The following HMCN2 variants were observed in gnomAD, a reference collection of about 807,000 sequenced individuals.
HMCN2 encodes hemicentin 2, also known as hemicentin-2.
HMCN2 carries 325 observed loss-of-function variants against 377.5 expected under a neutral mutation model. The observed-to-expected ratio is 0.86, with a 90% CI of 0.79 to 0.94. The LOEUF is 0.94. Among genes scored for constraint, HMCN2 ranks in the 40% least tolerant of loss-of-function variants. HMCN2 has a pLI of 0.00. For missense variants in HMCN2, 4,543 were observed against 4,725.3 expected (o/e 0.96, Z 1.13); for synonymous variants, 2,007 against 2,046.8 (o/e 0.98, Z 0.53).
intron 97 of HMCN2, chr9:130,432,895 T>TGTC: frequency 2.7e-6 from 1 of 368,856 alleles, no homozygotes; most frequent in Non-Finnish European, 4.9e-6. Context: ...TGGCAGCTGC[T>TGTC]GCCCTGGAAA....
intron 19 of HMCN2, among the ~76,000 whole-genome samples, chr9:130,323,788 C>T (rs1183969619): frequency 6.6e-6 from 1 of 152,144 alleles, no homozygotes; most frequent in Non-Finnish European, 1.5e-5. Context: ...CTGCCACCTC[C>T]ACTTCCCGGG....
intron 87 of HMCN2, 151 bp from the exon 88 acceptor site, chr9:130,424,625 T>C: frequency 1.5e-6 from 1 of 674,022 alleles, no homozygotes; most frequent in Non-Finnish European, 2.2e-6. Flanking sequence ...GGTTAAATAA[T>C]TGGCATGGCA....
Position 130,428,638 on chromosome 9 carries a change from C to T in HMCN2, c.14197+149C>T, listed in dbSNP as rs1230737718. 1 of 1,186,828 alleles carries T rather than the reference C, an allele frequency of 8.4e-7. No individual in the cohort carries two copies. The highest frequency in any genetic ancestry group is 1.5e-5 in the African/African-American group (1 of 65,642). The allele number at this position is 1,186,828 out of a possible 1,614,324, so 73.5% of individuals were successfully genotyped here. A position where few individuals can be genotyped will look rare whatever the true frequency, so the allele number is the denominator to read the frequency against. Reference sequence around the variant, plus strand: ...AGAAGGAGTACAGCAAGGCTGGGGACAAAGCCTGCGCCAGGCTCTGGAGGT... The same window carrying T: ...AGAAGGAGTACAGCAAGGCTGGGGATAAAGCCTGCGCCAGGCTCTGGAGGT... On this transcript the variant is annotated intron_variant, in intron 93 of 97. Transcript: ENST00000683500. This position sits in a 1 kb window ranked among gnomAD's most constrained non-coding sequence, Gnocchi z 5.0.
At position 130,384,378 on chromosome 9, in the gene HMCN2, C is replaced by T. The variant is rs1244756877; in HGVS notation, c.8836C>T (p.Pro2946Ser). The change falls in exon 58 of 98, where the codon CCA becomes TCA. Residue 2946 changes from proline (P) to serine (S), a missense_variant. Around this residue, in one of 5 missense-constraint regions of HMCN2, gnomAD observed 736 missense variants for 773.2 expected, o/e 0.95. Transcript: ENST00000683500. ...KLFTLRVQVP[P>S]RIAGLDLEQV... ...CGTGGTGGCTGTGGGGATAGTCCCG[C>T]CACGAATCGCAGGCCTGGACTTGGA... 5 of 1,297,494 alleles carry T rather than the reference C, an allele frequency of 3.9e-6. No individual in the cohort carries two copies. The highest frequency in any genetic ancestry group is 4.1e-6 in the Non-Finnish European group (4 of 985,008). 80.4% of individuals were successfully genotyped at this position (1,297,494 alleles called of 1,614,324 possible).
chr9:130,356,542 C>T (rs1435062195), intron 34 of HMCN2, among the ~76,000 whole-genome samples: 3 of 152,262 alleles, frequency 2.0e-5, no homozygotes, highest in Non-Finnish European at 4.4e-5. Flanking sequence ...TATATCAACC[C>T]TCTTTCTCTT....
chr9:130,406,303 A>C (rs561212181), intron 82 of HMCN2, 135 bp downstream of exon 82: 2 of 716,316 alleles, frequency 2.8e-6, no homozygotes, highest in Middle Eastern at 3.1e-4. Context: ...GGGTCTTCCA[A>C]CGTGGCCCTA....
At position 130,317,467 on chromosome 9, in the gene HMCN2, A is replaced by ATCTCTCTCTCTCTC. The variant is rs1177875902; in HGVS notation, c.2351-2002_2351-1989dup. On this transcript the variant is annotated intron_variant, in intron 15 of 97. Coordinates refer to ENST00000683500, the MANE Select transcript of HMCN2 (RefSeq NM_001291815.2). ...GCCTAGATGATAGCGAGACCCCACCATCTCTCTCTCTCTCTCTCTCTCTCT... is the reference window on the plus strand; with the variant it reads ...GCCTAGATGATAGCGAGACCCCACCATCTCTCTCTCTCTCTCTCTCTCTCTCTCTCTCTCTCTCT... Among the ~76,000 whole-genome samples, 261 of 123,440 alleles carry ATCTCTCTCTCTCTC rather than the reference A, an allele frequency of 2.1e-3. 1 individual carries two copies. Among genetic ancestry groups the ATCTCTCTCTCTCTC allele is most frequent in the Non-Finnish European group, 1.9e-3 (111 of 58,896 alleles). 81.0% of individuals were successfully genotyped at this position (123,440 alleles called of 152,430 possible).
Position 130,384,722 on chromosome 9 carries a change from G to A in HMCN2, c.9030G>A (p.Ser3010=), listed in dbSNP as rs781658046. 34 of 1,302,430 alleles carry A rather than the reference G, an allele frequency of 2.6e-5. No homozygotes were observed. In the Admixed American group the frequency reaches 3.0e-4, roughly 11 times the overall value. 80.7% of individuals were successfully genotyped at this position (1,302,430 alleles called of 1,614,324 possible). A position where few individuals can be genotyped will look rare whatever the true frequency, so the allele number is the denominator to read the frequency against. Residue 3010 remains serine (S), a synonymous_variant, in exon 59 of 98, where the codon TCG becomes TCA. Coordinates refer to ENST00000683500, the MANE Select transcript of HMCN2 (RefSeq NM_001291815.2). Reference sequence around the variant, plus strand: ...TGCAGCTGGGGAGAGCACGGCTGTCGGACTCCGGGATGTACACATGCGAAG... The same window carrying A: ...TGCAGCTGGGGAGAGCACGGCTGTCAGACTCCGGGATGTACACATGCGAAG... ...HTLQLGRARL[S]DSGMYTCEAL...
intron 15 of HMCN2, 118 bp from the exon 16 acceptor site, chr9:130,319,377 C>G (rs1487815228): frequency 1.3e-5 from 2 of 152,262 alleles, no homozygotes; most frequent in African/African-American, 4.8e-5. Flanking sequence ...GGACAGGAGT[C>G]GAGCCCTAGG....
chr9:130,301,572 A>G (rs944882247), intron 8 of HMCN2, among the ~76,000 whole-genome samples: 9 of 152,200 alleles, frequency 5.9e-5, no homozygotes, highest in Admixed American at 1.3e-4. Context: ...AGAGGCTCCC[A>G]GGGTGCGTGG....
chr9:130,285,655 C>T (rs536263612), intron 3 of HMCN2, among the ~76,000 whole-genome samples: 3 of 152,236 alleles, frequency 2.0e-5, no homozygotes, highest in Admixed American at 1.3e-4. Flanking sequence ...TGTTCTCTGC[C>T]GTTCCTGTCC....
In HMCN2 at chr9:130,285,274, G is replaced by C. The variant is rs1835358691; in HGVS notation, c.447G>C (p.Lys149Asn). The change falls in exon 3 of 98, where the codon AAG becomes AAC. Residue 149 changes from lysine (K) to asparagine (N), a missense_variant. Physicochemically the swap from Lys to Asn is moderately conservative, Grantham distance 94. Transcript: ENST00000683500. ...ATGCCCGCGCCAAAGACTATCACAA[G>C]AAGGAAGAGCTGCTGCGGCTCCTGC... ...FSDARAKDYH[K>N]KEELLRLLQL... 2.1e-6 allele frequency: 1 copy of C among 471,082 alleles called. No individual in the cohort carries two copies. Among genetic ancestry groups the C allele is most frequent in the African/African-American group, 2.0e-5 (1 of 50,098 alleles). 29.2% of individuals were successfully genotyped at this position (471,082 alleles called of 1,614,324 possible). A position where few individuals can be genotyped will look rare whatever the true frequency, so the allele number is the denominator to read the frequency against.
At chr9:130,364,335 T>C (rs1840572801) in intron 40 of HMCN2, among the ~76,000 whole-genome samples, 1 of 152,236 alleles carries the variant, frequency 6.6e-6, no homozygotes, top group South Asian at 2.1e-4. Context: ...AAAGCTGCAC[T>C]GGTTATTTTT....
intron 54 of HMCN2, 47 bp from the exon 55 acceptor site, chr9:130,382,137 G>A: frequency 1.1e-6 from 1 of 877,876 alleles, no homozygotes; most frequent in Non-Finnish European, 1.4e-6. Flanking sequence ...TGCTCTTGGG[G>A]GTGACTCTCG....
At chr9:130,430,019 T>C (rs1187227067) in intron 94 of HMCN2, 1 of 598,554 alleles carries the variant, frequency 1.7e-6, no homozygotes, top group African/African-American at 1.9e-5. Flanking sequence ...TGGATCTAAC[T>C]GGGGCACTGA....
Position 130,385,639 on chromosome 9 carries a change from C to A in HMCN2, c.9186C>A (p.Ser3062Arg), listed in dbSNP as rs149023656. The change falls in exon 60 of 98, where the codon AGC becomes AGA. Residue 3062 changes from serine (S) to arginine (R), a missense_variant. Ser to Arg is a moderately radical substitution (Grantham distance 110, BLOSUM62 -1). Coordinates refer to ENST00000683500, the MANE Select transcript of HMCN2 (RefSeq NM_001291815.2). ...LVRVGDKAVLSCETDALPEPT... is the reference protein window; with the variant it reads ...LVRVGDKAVLRCETDALPEPT... ...GGGTCGGGGACAAAGCTGTCCTGAG[C>A]TGCGAGACAGATGCGCTCCCTGAGC... 611 of 1,304,224 alleles carry A rather than the reference C, an allele frequency of 4.7e-4. 4 individuals are homozygous for A. The African/African-American group carries it at 8.0e-3, about 17-fold the overall frequency. 80.8% of individuals were successfully genotyped at this position (1,304,224 alleles called of 1,614,324 possible).
In HMCN2 at chr9:130,356,228, C is replaced by A. The variant is rs1840019784; in HGVS notation, c.5396C>A (p.Ala1799Asp). The A allele has an allele frequency of 2.3e-6, 3 of 1,301,682 alleles. No homozygotes were observed. Among genetic ancestry groups the A allele is most frequent in the Non-Finnish European group, 3.0e-6 (3 of 988,386 alleles). The allele number at this position is 1,301,682 out of a possible 1,614,324, so 80.6% of individuals were successfully genotyped here. ...ACQATNEAGT[A>D]GAEVEVSVHE... ...CAGGCCACCAATGAGGCGGGCACTG[C>A]CGGGGCCGAGGTGGAGGTGTCTGTG... The change falls in exon 34 of 98, where the codon GCC becomes GAC. Residue 1799 changes from alanine (A) to aspartate (D), a missense_variant. Around this residue, in one of 5 missense-constraint regions of HMCN2, gnomAD observed 1,032 missense variants for 1,285.1 expected, o/e 0.80. Transcript: ENST00000683500.
chr9:130,314,881 G>T (rs1327150520), intron 15 of HMCN2, among the ~76,000 whole-genome samples: 1 of 152,102 alleles, frequency 6.6e-6, no homozygotes, highest in Non-Finnish European at 1.5e-5. Context: ...CCCAGAGTGA[G>T]GATGGGACTC....
At chr9:130,425,997 C>CAGGAG in intron 90 of HMCN2, 73 bp downstream of exon 90, 1 of 1,127,782 alleles carries the variant, frequency 8.9e-7, no homozygotes, top group Non-Finnish European at 1.3e-6. Context: ...ATGCACGTGG[C>CAGGAG]TGGAATCCAC....
Sources: allele counts gnomAD v4.1 joint callset (sites outside exome capture counted in the v4.1 genomes callset), GRCh38; gene constraint gnomAD v4.1.1; regional missense constraint gnomAD v4.1.1; non-coding constraint Gnocchi (gnomAD v3.1); transcripts MANE v1.5; gene names NCBI Gene and HGNC (gene_info 2026-07-23, HGNC 2026-07-21).